IQGAP3: variants seen among roughly 807,000 people sequenced by gnomAD.
The protein encoded by IQGAP3 is IQ motif containing GTPase activating protein 3, also known as ras GTPase-activating-like protein IQGAP3.
IQGAP3 carries 165 observed loss-of-function variants against 208.2 expected under a neutral mutation model. The observed-to-expected ratio is 0.79, with a 90% confidence interval of 0.70 to 0.90. The LOEUF (loss-of-function observed/expected upper bound fraction) is 0.90, where lower values mean the gene tolerates loss of function less well. Among genes scored for constraint, IQGAP3 ranks in the 40% least tolerant of loss-of-function variants. IQGAP3 has a pLI of 0.00. For missense variants in IQGAP3, 1,811 were observed against 2,043.1 expected (o/e 0.89, Z 2.19); for synonymous variants, 703 against 803.6 (o/e 0.87, Z 2.12).
chr1:156,528,185 C>T (rs1674197917), intron 36 of IQGAP3, 125 bp from the exon 37 acceptor site: 6 of 715,708 alleles, frequency 8.4e-6, no homozygotes, highest in Non-Finnish European at 1.5e-5. Context: ...CCCTCTGTCA[C>T]TCCCAGAGGG....
Position 156,538,863 on chromosome 1 carries a change from A to C in IQGAP3, c.3227T>G (p.Val1076Gly), listed in dbSNP as rs1473695249. The C allele has an allele frequency of 4.3e-6, 7 of 1,614,160 alleles. No homozygotes were observed. Among genetic ancestry groups the C allele is most frequent in the Admixed American group, 3.3e-5 (2 of 60,022 alleles). Residue 1076 changes from valine (V) to glycine (G), a missense_variant, in exon 26 of 38, where the codon GTC (valine) becomes GGC (glycine). Physicochemically the swap from Val to Gly is moderately radical, Grantham distance 109. Coordinates refer to ENST00000361170, the MANE Select transcript of IQGAP3 (RefSeq NM_178229.5). ...GTTGATCCAGTTCTTATAGAGGTGG[A>C]CAGGGTCTGTGTGGACGCTGAGCAC... Reference protein sequence around the residue: ...DKVLSVHTDPVHLYKNWINQT... With the variant: ...DKVLSVHTDPGHLYKNWINQT...
intron 37 of IQGAP3, 108 bp downstream of exon 37, chr1:156,527,844 C>G: frequency 1.4e-6 from 1 of 715,014 alleles, no homozygotes; most frequent in South Asian, 1.7e-5. Context: ...GGGTGAAAAA[C>G]TGAGCTGGTG....
chr1:156,551,859 G>A lies in IQGAP3; in HGVS notation c.1580C>T (p.Ala527Val). ...CAGAGCCTCATTGATGAGGCTGACT[G>A]CAAGGACCCCTAAGAAAGAGAGATC... ...QTQEETDRVL[A>V]VSLINEALDK... The change falls in exon 15 of 38, where the codon GCA (alanine) becomes GTA (valine). Residue 527 changes from alanine to valine, a missense_variant. Coordinates refer to ENST00000361170, the MANE Select transcript of IQGAP3 (RefSeq NM_178229.5). 3.1e-6 allele frequency: 5 copies of A among 1,606,484 alleles called. No individual in the cohort carries two copies. The highest frequency in any genetic ancestry group is 4.3e-6 in the Non-Finnish European group (5 of 1,175,260).
chr1:156,534,726 C>A lies in IQGAP3; in HGVS notation c.3515G>T (p.Gly1172Val). 6.4e-7 allele frequency: 1 copy of A among 1,560,924 alleles called. No homozygotes were observed. Among genetic ancestry groups the A allele is most frequent in the South Asian group, 1.2e-5 (1 of 83,868 alleles). Residue 1172 changes from glycine (G) to valine (V), a missense_variant, in exon 29 of 38, where the codon GGG becomes GTG. Transcript: ENST00000361170. ...ATDSEVYKVVGNLLYYRFLNP... is the reference protein window; with the variant it reads ...ATDSEVYKVVVNLLYYRFLNP... ...CAGGAAGCGGTAGTACAGGAGGTTCCCGACCACCTGAGGGCAAAGGAGACT... is the reference window on the plus strand; with the variant it reads ...CAGGAAGCGGTAGTACAGGAGGTTCACGACCACCTGAGGGCAAAGGAGACT...
Position 156,560,934 on chromosome 1 carries a change from T to A in IQGAP3, c.1129A>T (p.Met377Leu). ...GGCCTCAGACCTGCAGATGACTTAC[T>A]GGCTTGTTCCTGATCACCCTTTGTG... is the stretch of plus-strand genomic sequence containing the variant. ...ANTKGDQEQA[M>L]LHAVQRINKA... Residue 377 changes from methionine (M) to leucine (L), a missense_variant and splice_region_variant, in exon 11 of 38, where the codon ATG becomes TTG. Met to Leu is a conservative substitution (Grantham distance 15). Transcript: ENST00000361170. 1.2e-6 allele frequency: 2 copies of A among 1,610,982 alleles called. No individual in the cohort carries two copies. Among genetic ancestry groups the A allele is most frequent in the Non-Finnish European group, 1.7e-6 (2 of 1,177,260 alleles).
intron 13 of IQGAP3, among the ~76,000 whole-genome samples, chr1:156,553,377 A>C (rs1381507535): frequency 2.0e-5 from 3 of 152,138 alleles, no homozygotes; most frequent in Admixed American, 2.0e-4. Context: ...CACACCATGC[A>C]CATTGCTTTC....
At chr1:156,538,184 C>T (rs1674797721) in intron 26 of IQGAP3, among the ~76,000 whole-genome samples, 1 of 152,206 alleles carries the variant, frequency 6.6e-6, no homozygotes, top group Non-Finnish European at 1.5e-5. Context: ...CTTCAGCCTC[C>T]CGAGTAGCTA....
chr1:156,561,804 T>C (rs1676161405), intron 10 of IQGAP3, 34 bp downstream of exon 10: 1 of 1,608,112 alleles, frequency 6.2e-7, no homozygotes, highest in African/African-American at 1.3e-5. Flanking sequence ...TATAGTCACA[T>C]ACAGGGGGTG....
intron 26 of IQGAP3, among the ~76,000 whole-genome samples, chr1:156,537,569 A>C (rs1674752105): frequency 6.6e-6 from 1 of 152,190 alleles, no homozygotes; most frequent in Non-Finnish European, 1.5e-5. Flanking sequence ...GAGAACGTGG[A>C]ATCTAGGGAC....
At chr1:156,569,121 G>A (rs1676526756) in intron 2 of IQGAP3, among the ~76,000 whole-genome samples, 1 of 151,988 alleles carries the variant, frequency 6.6e-6, no homozygotes, top group African/African-American at 2.4e-5. Context: ...AAATAATTTA[G>A]TTGGATATTA....
intron 19 of IQGAP3, among the ~76,000 whole-genome samples, chr1:156,545,222 C>T (rs1293826774): frequency 1.3e-5 from 2 of 152,178 alleles, no homozygotes; most frequent in African/African-American, 2.4e-5. Context: ...TCAAGGCCCT[C>T]TTCCAATCCA....
Position 156,534,987 on chromosome 1 carries a change from A to G in IQGAP3, c.3507+176T>C, listed in dbSNP as rs116583131. Reference sequence around the variant, plus strand: ...GTTCGCTCACACCCCAGCATGAGCCATCTGCCACCTGAAGCCCTGCGGGTG... The same window carrying G: ...GTTCGCTCACACCCCAGCATGAGCCGTCTGCCACCTGAAGCCCTGCGGGTG... On this transcript the variant is annotated intron_variant, in intron 28 of 37. Coordinates refer to ENST00000361170, the MANE Select transcript of IQGAP3 (RefSeq NM_178229.5). Among the ~76,000 whole-genome samples the G allele has an allele frequency of 4.8e-3, 734 of 152,334 alleles. 5 individuals are homozygous for G. Among genetic ancestry groups the G allele is most frequent in the African/African-American group, 0.017 (704 of 41,576 alleles).
chr1:156,544,451 G>A lies in IQGAP3; in HGVS notation c.2326C>T (p.Gln776Ter), dbSNP rs750521331. 2 of 1,613,984 alleles carry A rather than the reference G, an allele frequency of 1.2e-6. No individual in the cohort carries two copies. The highest frequency in any genetic ancestry group is 1.7e-6 in the Non-Finnish European group (2 of 1,179,854). ...KIQAHWRGYR[Q>*]RKIYLEWLQY... ...AACCACTCCAGGTAAATCTTCCGCT[G>A]CCTATAACCCCGCCAATGAGCCTGC... The change falls in exon 20 of 38, where the codon CAG becomes TAG. Residue 776 changes from glutamine to a stop codon, truncating the protein, a stop_gained. Coordinates refer to ENST00000361170, the MANE Select transcript of IQGAP3 (RefSeq NM_178229.5). LOFTEE classifies it high-confidence loss of function.
chr1:156,532,495 G>A (rs1380011215), intron 32 of IQGAP3, among the ~76,000 whole-genome samples: 1 of 151,170 alleles, frequency 6.6e-6, no homozygotes, highest in South Asian at 2.1e-4. Flanking sequence ...CAACTATGAA[G>A]AGGGGAAGCC....
chr1:156,567,936 A>G (rs1015259729), intron 2 of IQGAP3, among the ~76,000 whole-genome samples: 4 of 152,230 alleles, frequency 2.6e-5, no homozygotes, highest in African/African-American at 9.6e-5. Context: ...GTAGACCAAC[A>G]ATGAATGAAG....
At chr1:156,569,571 T>A (rs1676552995) in intron 1 of IQGAP3, 108 bp from the exon 2 acceptor site, 1 of 463,994 alleles carries the variant, frequency 2.2e-6, no homozygotes, top group Non-Finnish European at 3.5e-6. Context: ...CAGGCTGGAG[T>A]GCAGTGGCCC....
chr1:156,537,100 T>C (rs1674721379), intron 27 of IQGAP3, 81 bp downstream of exon 27: 36 of 1,453,802 alleles, frequency 2.5e-5, no homozygotes, highest in Non-Finnish European at 3.4e-5. Flanking sequence ...CCTGCAGGAC[T>C]ATCACCCTGC....
chr1:156,557,939 C>G (rs1251392920), intron 11 of IQGAP3, among the ~76,000 whole-genome samples: 1 of 9,044 alleles, frequency 1.1e-4, no homozygotes, highest in Non-Finnish European at 3.7e-4. Flanking sequence ...GGGGGGTCAG[C>G]CCCCCGCCCA....
intron 26 of IQGAP3, among the ~76,000 whole-genome samples, chr1:156,537,552 A>C (rs1418327704): frequency 6.6e-6 from 1 of 152,218 alleles, no homozygotes; most frequent in Non-Finnish European, 1.5e-5. Flanking sequence ...GAATGTAGGA[A>C]GGAACAGAGA....
Sources: allele counts gnomAD v4.1 joint callset (sites outside exome capture counted in the v4.1 genomes callset), GRCh38; gene constraint gnomAD v4.1.1; transcripts MANE v1.5; gene names NCBI Gene and HGNC (gene_info 2026-07-23, HGNC 2026-07-21).